SLC9A2: variants seen among roughly 807,000 people sequenced by gnomAD.
The protein encoded by SLC9A2 is solute carrier family 9 member A2.
A neutral mutation model predicts 71.7 loss-of-function variants in SLC9A2; 42 were observed. The observed-to-expected ratio is 0.59, with a 90% CI of 0.46 to 0.76. The LOEUF (loss-of-function observed/expected upper bound fraction) is 0.76, where lower values mean the gene tolerates loss of function less well. SLC9A2 is among the 30% of genes least tolerant of loss of function. SLC9A2 has a pLI of 0.00. For synonymous variants in SLC9A2, 396 were observed against 392.5 expected (o/e 1.01, Z -0.10); for missense variants, 829 against 1,017.4 (o/e 0.81, Z 2.52).
At chr2:102,632,181 C>CAT (rs1167895458) in intron 1 of SLC9A2, among the ~76,000 whole-genome samples, 5 of 113,926 alleles carry the variant, frequency 4.4e-5, no homozygotes, top group Non-Finnish European at 6.9e-5. Context: ...TATATACATA[C>CAT]ATATATATAT....
chr2:102,628,491 C>A (rs1676293301), intron 1 of SLC9A2, among the ~76,000 whole-genome samples: 1 of 152,008 alleles, frequency 6.6e-6, no homozygotes, highest in African/African-American at 2.4e-5. Flanking sequence ...TTCTCATGAT[C>A]CAAATGGGTA....
chr2:102,632,566 T>C (rs1676396999), intron 1 of SLC9A2, among the ~76,000 whole-genome samples: 1 of 152,110 alleles, frequency 6.6e-6, no homozygotes, highest in South Asian at 2.1e-4. Context: ...CATCTTGATT[T>C]GTCAAATTCA....
At chr2:102,687,868 T>G (rs1677578605) in intron 5 of SLC9A2, among the ~76,000 whole-genome samples, 1 of 152,134 alleles carries the variant, frequency 6.6e-6, no homozygotes, top group East Asian at 1.9e-4. Context: ...AACCTCTGCC[T>G]CCTAGGTTCC....
At chr2:102,628,702 T>C (rs1003469017) in intron 1 of SLC9A2, among the ~76,000 whole-genome samples, 9 of 151,998 alleles carry the variant, frequency 5.9e-5, no homozygotes, top group African/African-American at 2.2e-4. Context: ...CTTATGGAGA[T>C]TTGGGGTTTT....
intron 1 of SLC9A2, among the ~76,000 whole-genome samples, chr2:102,637,263 G>A (rs576758925): frequency 2.6e-4 from 39 of 152,286 alleles, no homozygotes; most frequent in Admixed American, 9.8e-4. Flanking sequence ...ATTTAATAGC[G>A]AGGATCCTGT....
chr2:102,675,429 C>T (rs1408002370), intron 3 of SLC9A2, among the ~76,000 whole-genome samples: 1 of 152,124 alleles, frequency 6.6e-6, no homozygotes, highest in Non-Finnish European at 1.5e-5. Context: ...AATACATAAT[C>T]AGAGTGCTTC....
intron 1 of SLC9A2, among the ~76,000 whole-genome samples, chr2:102,623,132 C>A (rs1676175487): frequency 6.6e-6 from 1 of 152,164 alleles, no homozygotes; most frequent in Non-Finnish European, 1.5e-5. Flanking sequence ...CTTTCCCCTG[C>A]ATTGTGCTTG....
At chr2:102,627,280 T>TTTGCA (rs1472224112) in intron 1 of SLC9A2, among the ~76,000 whole-genome samples, 1 of 152,102 alleles carries the variant, frequency 6.6e-6, no homozygotes, top group African/African-American at 2.4e-5. Context: ...GCCACTGCAC[T>TTTGCA]CCAGTGGGAG....
chr2:102,635,007 G>A (rs1363841395), intron 1 of SLC9A2, among the ~76,000 whole-genome samples: 3 of 152,220 alleles, frequency 2.0e-5, no homozygotes, highest in African/African-American at 4.8e-5. Flanking sequence ...TGGTAAGCAC[G>A]TTGTTCAGCA....
chr2:102,671,747 G>A (rs1410472920), intron 3 of SLC9A2, among the ~76,000 whole-genome samples: 1 of 152,198 alleles, frequency 6.6e-6, no homozygotes, highest in African/African-American at 2.4e-5. Context: ...CCAATAGGGT[G>A]ACCACCAGCC....
At chr2:102,701,313 A>T in intron 8 of SLC9A2, 82 bp downstream of exon 8, 10 of 1,069,244 alleles carry the variant, frequency 9.4e-6, no homozygotes, top group African/African-American at 1.6e-5. Context: ...ATAATTTTAA[A>T]AAAATTATTA....
chr2:102,645,203 A>T (rs1676696984), intron 1 of SLC9A2, among the ~76,000 whole-genome samples: 1 of 152,234 alleles, frequency 6.6e-6, no homozygotes, highest in Non-Finnish European at 1.5e-5. Context: ...CCTGCAGCAG[A>T]GGGACCTGAC....
At chr2:102,685,807 G>A (rs1048357999) in intron 5 of SLC9A2, among the ~76,000 whole-genome samples, 3 of 152,150 alleles carry the variant, frequency 2.0e-5, no homozygotes, top group East Asian at 3.9e-4. Flanking sequence ...GTGGAGATAC[G>A]GATGAGGCAG....
At chr2:102,650,096 A>G (rs1356634846) in intron 1 of SLC9A2, among the ~76,000 whole-genome samples, 1 of 152,256 alleles carries the variant, frequency 6.6e-6, no homozygotes, top group Admixed American at 6.5e-5. Flanking sequence ...GAGACTGGAT[A>G]AAGAAAATGT....
intron 1 of SLC9A2, among the ~76,000 whole-genome samples, chr2:102,637,524 G>A (rs1467832203): frequency 1.3e-5 from 2 of 152,202 alleles, no homozygotes; most frequent in African/African-American, 2.4e-5. Context: ...GGTGACCAGG[G>A]CATGAGTCAA....
intron 5 of SLC9A2, 92 bp downstream of exon 5, chr2:102,684,428 T>C (rs977023241): frequency 1.3e-5 from 15 of 1,181,078 alleles, no homozygotes; most frequent in Non-Finnish European, 1.8e-5. Flanking sequence ...AAAGGTGTGT[T>C]GAAACTTTGG....
In SLC9A2 at chr2:102,642,880, G is replaced by A. The variant is rs1676636444; in HGVS notation, c.290-14684G>A. 2.6e-5 allele frequency among the ~76,000 whole-genome samples: 4 copies of A among 152,150 alleles called. No individual in the cohort carries two copies. The South Asian group carries it at 6.2e-4, about 24-fold the overall frequency. On this transcript the variant is annotated intron_variant, in intron 1 of 11. Transcript: ENST00000233969. Reference sequence around the variant, plus strand: ...AGTTATTTTCTTCATATTGGTTGAGGGCTATTCATATTTTCTTCACCAACA... The same window carrying A: ...AGTTATTTTCTTCATATTGGTTGAGAGCTATTCATATTTTCTTCACCAACA...
chr2:102,662,175 T>C (rs537581684), intron 2 of SLC9A2, among the ~76,000 whole-genome samples: 1 of 152,346 alleles, frequency 6.6e-6, no homozygotes, highest in South Asian at 2.1e-4. Flanking sequence ...GTACAGTGCC[T>C]GTGACCCATC....
In SLC9A2 at chr2:102,708,490, GA is replaced by G. The variant is rs1216398783; in HGVS notation, c.*2del. The stretch of plus-strand genomic sequence containing the variant: ...CCGATTTGGGAGTGAGAAGCCTTAA[GA>G]GAAGCAGCGAAAGCAGATCTGAGTG... On this transcript the variant is annotated 3_prime_UTR_variant, in exon 12 of 12. Coordinates refer to ENST00000233969, the MANE Select transcript of SLC9A2 (RefSeq NM_003048.6). The G allele has an allele frequency of 1.2e-6, 2 of 1,612,096 alleles. No individual in the cohort carries two copies. Among genetic ancestry groups the G allele is most frequent in the Non-Finnish European group, 1.7e-6 (2 of 1,178,972 alleles).
Sources: allele counts gnomAD v4.1 joint callset (sites outside exome capture counted in the v4.1 genomes callset), GRCh38; gene constraint gnomAD v4.1.1; transcripts MANE v1.5; gene names NCBI Gene and HGNC (gene_info 2026-07-23, HGNC 2026-07-21).